PAK1: variants seen among roughly 807,000 people sequenced by gnomAD.
PAK1 encodes the protein p21 (RAC1) activated kinase 1.
Under a neutral mutation model 67.4 loss-of-function variants are expected in PAK1, and 29 were observed. The observed-to-expected ratio is 0.43, with a 90% CI of 0.32 to 0.59. The LOEUF (loss-of-function observed/expected upper bound fraction) is 0.59, where lower values mean the gene tolerates loss of function less well. Ranked by LOEUF, PAK1 falls within the 20% of genes least tolerant of loss-of-function variation. The pLI is 0.07. For synonymous variants in PAK1, 223 were observed against 237.4 expected (o/e 0.94, Z 0.56); for missense variants, 337 against 670.7 (o/e 0.50, Z 5.50).
the PAK1 span, among the ~76,000 whole-genome samples, chr11:77,528,464 A>G: frequency 0.48 from 72,768 of 151,504 alleles, 17,616 homozygotes; most frequent in East Asian, 0.61. Flanking sequence ...GGCTCAAGTG[A>G]TTCTCCCACC....
rs540322291 is a variant in PAK1, at chr11:77,366,149, A to G, written c.478-7132T>C. On this transcript the variant is annotated intron_variant, in intron 5 of 14. Transcript: ENST00000356341. ...AATGAAGACGAAATAAAGACATTCCAGATTAACAAAGAGAAAGAGAATTTA... is the reference window on the plus strand; with the variant it reads ...AATGAAGACGAAATAAAGACATTCCGGATTAACAAAGAGAAAGAGAATTTA... Among the ~76,000 whole-genome samples the G allele has an allele frequency of 9.7e-4, 147 of 152,230 alleles. 1 individual carries two copies. The highest frequency in any genetic ancestry group is 1.8e-3 in the Non-Finnish European group (122 of 68,034).
Position 77,374,489 on chromosome 11 carries a change from G to C in PAK1, c.440-124C>G, listed in dbSNP as rs1176604397. The stretch of plus-strand genomic sequence containing the variant: ...TCAGAGAATAGTAATAGTATGACTG[G>C]TACTACAGGCTAGATATCATGCTAA... On this transcript the variant is annotated intron_variant, in intron 4 of 14. Coordinates refer to ENST00000356341, the MANE Select transcript of PAK1 (RefSeq NM_002576.5). 4.4e-6 allele frequency: 3 copies of C among 680,174 alleles called. No individual in the cohort carries two copies. In the East Asian group the frequency reaches 7.9e-5, roughly 18 times the overall value. 42.1% of individuals were successfully genotyped at this position (680,174 alleles called of 1,614,324 possible). A position where few individuals can be genotyped will look rare whatever the true frequency, so the allele number is the denominator to read the frequency against.
intron 1 of PAK1, among the ~76,000 whole-genome samples, chr11:77,437,659 G>T (rs4092275): frequency 0.14 from 21,492 of 151,914 alleles, 3,357 homozygotes; most frequent in African/African-American, 0.38. Context: ...CATCCTATGA[G>T]GCACAGGACA....
At chr11:77,383,620 C>T (rs964956164) in intron 2 of PAK1, among the ~76,000 whole-genome samples, 2 of 152,084 alleles carry the variant, frequency 1.3e-5, no homozygotes, top group Admixed American at 6.5e-5. Flanking sequence ...CCACCACGCC[C>T]GGCCTGGTAC....
chr11:77,353,730 C>T (rs1945608887), intron 7 of PAK1, 131 bp from the exon 8 acceptor site: 1 of 686,616 alleles, frequency 1.5e-6, no homozygotes, highest in Non-Finnish European at 2.6e-6. Context: ...GCATGCTAAA[C>T]AGGCCCTCAG....
chr11:77,469,049 T>TAC (rs1957729845), intron 1 of PAK1, among the ~76,000 whole-genome samples: 1 of 152,138 alleles, frequency 6.6e-6, no homozygotes, highest in African/African-American at 2.4e-5. Flanking sequence ...AGCCTTCTAA[T>TAC]ACACACACAA....
At chr11:77,410,727 A>G (rs980724999) in intron 1 of PAK1, among the ~76,000 whole-genome samples, 2 of 151,750 alleles carry the variant, frequency 1.3e-5, no homozygotes, top group African/African-American at 4.8e-5. Flanking sequence ...CAGGAGGAGG[A>G]AATAGAAAGA....
At chr11:77,376,155 A>G (rs113722863) in intron 4 of PAK1, among the ~76,000 whole-genome samples, 1 of 152,172 alleles carries the variant, frequency 6.6e-6, no homozygotes, top group African/African-American at 2.4e-5. Flanking sequence ...GTATTTTTGA[A>G]GATTGGGTAT....
the PAK1 span, among the ~76,000 whole-genome samples, chr11:77,493,557 T>A: frequency 6.8e-6 from 1 of 147,702 alleles, no homozygotes; most frequent in Non-Finnish European, 1.5e-5. Context: ...CCTCCCAAAC[T>A]GTTGGGATTA....
At position 77,350,043 on chromosome 11, in the gene PAK1, A is replaced by T. The variant is rs558679153; in HGVS notation, c.837-756T>A. 5.1e-4 allele frequency among the ~76,000 whole-genome samples: 77 copies of T among 152,304 alleles called. No homozygotes were observed. In the South Asian group the frequency reaches 0.013, roughly 27 times the overall value. On this transcript the variant is annotated intron_variant, in intron 8 of 14. Transcript: ENST00000356341. Reference sequence around the variant, plus strand: ...AAATTTACTTTAAAAAACTATAAATAGTAAAAAACTATAAAAACTTGAAGA... The same window carrying T: ...AAATTTACTTTAAAAAACTATAAATTGTAAAAAACTATAAAAACTTGAAGA...
intron 1 of PAK1, among the ~76,000 whole-genome samples, chr11:77,462,892 T>A (rs1957419091): frequency 6.8e-6 from 1 of 147,096 alleles, no homozygotes; most frequent in Non-Finnish European, 1.5e-5. Flanking sequence ...GGACCACAGT[T>A]TGAATGCTGG....
chr11:77,348,915 G>C (rs1033846756), intron 9 of PAK1, among the ~76,000 whole-genome samples: 2 of 152,118 alleles, frequency 1.3e-5, no homozygotes, highest in Admixed American at 1.3e-4. Context: ...CCTAAGGTCA[G>C]GAGTTCGAGA....
At chr11:77,328,827 A>G (rs1344584244) in intron 14 of PAK1, among the ~76,000 whole-genome samples, 10 of 152,200 alleles carry the variant, frequency 6.6e-5, no homozygotes, top group African/African-American at 2.2e-4. Flanking sequence ...ACCCTTCAAA[A>G]AATTAATGAA....
the PAK1 span, among the ~76,000 whole-genome samples, chr11:77,493,052 C>T: frequency 1.3e-4 from 20 of 152,170 alleles, no homozygotes; most frequent in South Asian, 1.2e-3. Context: ...TATAGCAATG[C>T]GAGAATGGAC....
chr11:77,343,797 G>A, intron 10 of PAK1, 22 bp downstream of exon 10: 1 of 1,422,456 alleles, frequency 7.0e-7, no homozygotes, highest in East Asian at 2.3e-5. Context: ...CTTTCCCTCT[G>A]ATGGGACCCA....
At chr11:77,368,171 T>C (rs1804849041) in intron 5 of PAK1, among the ~76,000 whole-genome samples, 1 of 152,166 alleles carries the variant, frequency 6.6e-6, no homozygotes, top group Non-Finnish European at 1.5e-5. Flanking sequence ...AGGAATATAA[T>C]TGTGAAATTT....
intron 1 of PAK1, among the ~76,000 whole-genome samples, chr11:77,440,670 A>G (rs1335973927): frequency 1.3e-5 from 2 of 152,252 alleles, no homozygotes; most frequent in African/African-American, 4.8e-5. Context: ...ATTTACTTGG[A>G]AAGAAAGAAA....
rs114628523 is a variant in PAK1 at position 77,447,562 on chromosome 11, G to A, written c.-22+25990C>T. Among the ~76,000 whole-genome samples, 1,326 of 150,712 alleles carry A rather than the reference G, an allele frequency of 8.8e-3. 18 individuals carry two copies. Among genetic ancestry groups the A allele is most frequent in the Middle Eastern group, 0.034 (10 of 292 alleles). On this transcript the variant is annotated intron_variant, in intron 1 of 14. Transcript: ENST00000356341. ...TTTTTTTTTTTTCAGGGGAAGTCTC[G>A]CGCTCAGGCTGGAGTGCAGTGGCAC...
chr11:77,525,757 C>T, the PAK1 span, among the ~76,000 whole-genome samples: 4 of 152,324 alleles, frequency 2.6e-5, no homozygotes, highest in South Asian at 8.3e-4. Flanking sequence ...AATTGTACAC[C>T]ACATGACAGG....
Sources: allele counts gnomAD v4.1 joint callset (sites outside exome capture counted in the v4.1 genomes callset), GRCh38; gene constraint gnomAD v4.1.1; transcripts MANE v1.5; gene names NCBI Gene and HGNC (gene_info 2026-07-23, HGNC 2026-07-21).